Variants in NMBR observed in about 807,000 individuals in gnomAD.
NMBR encodes neuromedin-B receptor.
A neutral mutation model predicts 20.5 loss-of-function variants in NMBR; 16 were observed. That is an observed-to-expected ratio of 0.78 (90% confidence interval 0.53 to 1.19). The LOEUF is 1.19. NMBR is among the 50% of genes most tolerant of loss of function. NMBR has a pLI of 0.00. For missense variants in NMBR, 582 were observed against 499.1 expected (o/e 1.17, Z -1.58); for synonymous variants, 212 against 196.6 (o/e 1.08, Z -0.65).
chr6:142,124,258 A>G (rs1159106232), intron 1 of NMBR, among the ~76,000 whole-genome samples: 1 of 151,966 alleles, frequency 6.6e-6, no homozygotes, highest in African/African-American at 2.4e-5. Context: ...ATTACAAGGT[A>G]TGTACCAATT....
chr6:142,088,411 G>C lies in NMBR; in HGVS notation c.248C>G (p.Ser83Cys). The change falls in exon 2 of 4, where the codon TCT becomes TGT. Residue 83 changes from serine (S) to cysteine (C), a missense_variant. Ser to Cys is a moderately radical substitution (Grantham distance 112). Transcript: ENST00000258042. ...AMRSVPNIFISNLAAGDLLLL... is the reference protein window; with the variant it reads ...AMRSVPNIFICNLAAGDLLLL... The stretch of plus-strand genomic sequence containing the variant: ...CAGCAAGTCCCCGGCCGCCAGGTTA[G>C]AGATGAAGATGTTGGGGACGCTCCT... 3.1e-6 allele frequency: 5 copies of C among 1,614,130 alleles called. No homozygotes were observed. The highest frequency in any genetic ancestry group is 2.2e-5 in the East Asian group (1 of 44,872).
chr6:142,078,567 A>T lies in NMBR; in HGVS notation c.759T>A (p.His253Gln), dbSNP rs1330087979. Residue 253 changes from histidine to glutamine, a missense_variant, in exon 3 of 4, where the codon CAT (histidine) becomes CAA (glutamine). Transcript: ENST00000258042. ...AHNLPGEYNEHTKKQMETRKR... is the reference protein window; with the variant it reads ...AHNLPGEYNEQTKKQMETRKR... ...CTACTAAGCTTACCTGTTTTTTGGT[A>T]TGTTCATTGTATTCTCCAGGAAGAT... The T allele has an allele frequency of 2.5e-6, 4 of 1,583,690 alleles. No homozygotes were observed. Among genetic ancestry groups the T allele is most frequent in the Admixed American group, 1.7e-5 (1 of 57,718 alleles).
intron 1 of NMBR, among the ~76,000 whole-genome samples, chr6:142,112,129 C>G (rs1777776834): frequency 6.6e-6 from 1 of 152,074 alleles, no homozygotes; most frequent in Non-Finnish European, 1.5e-5. Flanking sequence ...GAGTTCGAGA[C>G]CAGCATGGGC....
intron 2 of NMBR, among the ~76,000 whole-genome samples, chr6:142,087,395 C>T (rs1408509383): frequency 2.0e-5 from 3 of 152,102 alleles, no homozygotes; most frequent in Admixed American, 6.5e-5. Context: ...TGCATTTTTC[C>T]CCACCCCTAT....
At chr6:142,130,983 T>C (rs1340646589) in intron 1 of NMBR, among the ~76,000 whole-genome samples, 1 of 152,184 alleles carries the variant, frequency 6.6e-6, no homozygotes, top group Non-Finnish European at 1.5e-5. Flanking sequence ...ATTTCAGAAT[T>C]GTTATGGACC....
At chr6:142,140,270 G>A (rs568430113) in intron 1 of NMBR, among the ~76,000 whole-genome samples, 8 of 151,794 alleles carry the variant, frequency 5.3e-5, no homozygotes, top group Admixed American at 2.0e-4. Flanking sequence ...GATAAACCTC[G>A]GCAAATCAAA....
At chr6:142,090,200 A>G (rs1479092315) in intron 1 of NMBR, among the ~76,000 whole-genome samples, 1 of 152,140 alleles carries the variant, frequency 6.6e-6, no homozygotes, top group Non-Finnish European at 1.5e-5. Context: ...AGTTAGCTAA[A>G]TAACACTCTT....
chr6:142,079,142 AAAAAG>A (rs1176453949), intron 2 of NMBR, among the ~76,000 whole-genome samples: 2 of 101,614 alleles, frequency 2.0e-5, no homozygotes, highest in African/African-American at 8.8e-5. Context: ...AGAAAGAAAG[AAAAAG>A]AAGAGAGGAG....
chr6:142,130,563 C>T lies in NMBR; in HGVS notation c.-664+16481G>A, dbSNP rs1422511509. On this transcript the variant is annotated intron_variant, in intron 1 of 3. Transcript: ENST00000258042. ...GAGATATTTCTTTAATTATATGACT[C>T]TTACTAAAACTAAGTATATTAAATC... 2.6e-5 allele frequency among the ~76,000 whole-genome samples: 4 copies of T among 152,010 alleles called. No individual in the cohort carries two copies. In the East Asian group the frequency reaches 7.7e-4, roughly 29 times the overall value.
intron 1 of NMBR, among the ~76,000 whole-genome samples, chr6:142,099,113 G>T (rs1393579653): frequency 1.3e-5 from 2 of 152,106 alleles, no homozygotes; most frequent in Non-Finnish European, 2.9e-5. Context: ...TCATGCGAAA[G>T]AAATGAACCT....
chr6:142,116,885 A>G (rs533307741), intron 1 of NMBR, among the ~76,000 whole-genome samples: 5 of 152,114 alleles, frequency 3.3e-5, no homozygotes, highest in Non-Finnish European at 7.4e-5. Context: ...CTTTTTACCA[A>G]TTATTAACTC....
At chr6:142,139,251 C>A (rs892646719) in intron 1 of NMBR, among the ~76,000 whole-genome samples, 10 of 152,138 alleles carry the variant, frequency 6.6e-5, no homozygotes, top group African/African-American at 2.4e-4. Flanking sequence ...AACATTATTG[C>A]CCAATCATAG....
intron 1 of NMBR, among the ~76,000 whole-genome samples, chr6:142,118,309 T>C (rs1344602142): frequency 2.0e-5 from 3 of 151,988 alleles, no homozygotes; most frequent in Non-Finnish European, 4.4e-5. Context: ...ATTATTCACA[T>C]ACACATAGCC....
At chr6:142,138,612 A>G (rs559964784) in intron 1 of NMBR, among the ~76,000 whole-genome samples, 31 of 152,314 alleles carry the variant, frequency 2.0e-4, no homozygotes, top group Admixed American at 2.0e-3. Context: ...GTTAATAAAC[A>G]GCAACCTTGT....
intron 1 of NMBR, among the ~76,000 whole-genome samples, chr6:142,143,606 G>A (rs533544127): frequency 6.6e-6 from 1 of 152,136 alleles, no homozygotes; most frequent in Non-Finnish European, 1.5e-5. Flanking sequence ...AAACCATGTC[G>A]AGTAAGGCTT....
Position 142,075,646 on chromosome 6 carries a change from A to T in NMBR, c.*2T>A. The T allele has an allele frequency of 2.5e-6, 4 of 1,600,302 alleles. No homozygotes were observed. The highest frequency in any genetic ancestry group is 1.3e-5 in the African/African-American group (1 of 74,612). ...TCCAGGTAGTGAGTTGAATGGCCAA[A>T]ATCACAGTGCCATTTCCTGCTTCAT... On this transcript the variant is annotated 3_prime_UTR_variant, in exon 4 of 4. Transcript: ENST00000258042.
intron 2 of NMBR, among the ~76,000 whole-genome samples, chr6:142,085,861 T>G (rs1298601078): frequency 1.3e-5 from 2 of 152,178 alleles, no homozygotes; most frequent in African/African-American, 4.8e-5. Context: ...ATTGAATTTG[T>G]TGTTTAAAGA....
chr6:142,094,355 A>G (rs1777400693), intron 1 of NMBR, among the ~76,000 whole-genome samples: 1 of 152,208 alleles, frequency 6.6e-6, no homozygotes, highest in Non-Finnish European at 1.5e-5. Flanking sequence ...ATCCAGTTTC[A>G]GCTTTCTACA....
chr6:142,146,469 C>CT (rs1778438593), intron 1 of NMBR, among the ~76,000 whole-genome samples: 1 of 152,122 alleles, frequency 6.6e-6, no homozygotes, highest in Non-Finnish European at 1.5e-5. Context: ...GAATTGAAGT[C>CT]ATTGAGGGTA....
Sources: allele counts gnomAD v4.1 joint callset (sites outside exome capture counted in the v4.1 genomes callset), GRCh38; gene constraint gnomAD v4.1.1; transcripts MANE v1.5; gene names NCBI Gene and HGNC (gene_info 2026-07-23, HGNC 2026-07-21).